Variants in RAE1 observed in about 807,000 individuals in gnomAD.
The protein encoded by RAE1 is ribonucleic acid export 1, also known as mRNA export factor RAE1.
A neutral mutation model predicts 52.7 loss-of-function variants in RAE1; 13 were observed. The observed-to-expected ratio is 0.25, with a 90% CI of 0.16 to 0.39. RAE1 has a LOEUF of 0.39. Among genes scored for constraint, RAE1 ranks in the 10% least tolerant of loss-of-function variants. The probability of loss-of-function intolerance (pLI) is 1.00; values close to 1 mark genes in which losing one functional copy is unlikely to be tolerated. For missense variants in RAE1, 262 were observed against 459.8 expected, an observed-to-expected ratio of 0.57 and a Z score of 3.93; for synonymous variants, 164 against 153.1, an observed-to-expected ratio of 1.07 and a Z score of -0.52.
intron 7 of RAE1, 41 bp downstream of exon 7, chr20:57,367,120 AAAC>A: frequency 1.4e-6 from 2 of 1,475,134 alleles, no homozygotes; most frequent in Non-Finnish European, 1.9e-6. Context: ...TTTAAAAAAA[AAAC>A]AAAATAAGTA....
chr20:57,352,013 T>A, intron 1 of RAE1: 1 of 970,246 alleles, frequency 1.0e-6, no homozygotes, highest in South Asian at 4.8e-5. Context: ...GTGGCTGCCC[T>A]CTTGGAGCCA....
At chr20:57,365,289 C>A in intron 4 of RAE1, 67 bp from the exon 5 acceptor site, 1 of 1,178,114 alleles carries the variant, frequency 8.5e-7, no homozygotes, top group South Asian at 1.4e-5. Flanking sequence ...AACGTAGTAT[C>A]TAAATATATA....
intron 8 of RAE1, among the ~76,000 whole-genome samples, 170 bp downstream of exon 8, chr20:57,368,982 A>G (rs1368967288): frequency 1.3e-5 from 2 of 152,212 alleles, no homozygotes; most frequent in African/African-American, 4.8e-5. Flanking sequence ...AAGTAATACT[A>G]AGGTATCCCT....
chr20:57,351,950 GC>G (rs2066716464), intron 1 of RAE1: 1 of 985,368 alleles, frequency 1.0e-6, no homozygotes, highest in African/African-American at 1.7e-5. Flanking sequence ...GCCGCCCTGG[GC>G]CAGGCATTGT....
At chr20:57,361,402 A>C (rs2066890691) in intron 4 of RAE1, among the ~76,000 whole-genome samples, 1 of 152,104 alleles carries the variant, frequency 6.6e-6, no homozygotes, top group Non-Finnish European at 1.5e-5. Flanking sequence ...TCGTGGTTAA[A>C]ATATGTCTGG....
intron 10 of RAE1, 73 bp downstream of exon 10, chr20:57,373,811 G>A: frequency 6.8e-7 from 1 of 1,461,200 alleles, no homozygotes; most frequent in Non-Finnish European, 9.6e-7. Context: ...GGAATTGTGG[G>A]ATCAGAAAAG....
At chr20:57,359,670 T>A (rs2066862150) in intron 4 of RAE1, 1 of 152,272 alleles carries the variant, frequency 6.6e-6, no homozygotes, top group Admixed American at 6.5e-5. Context: ...TCACCGCTAC[T>A]CATGAATCTT....
intron 5 of RAE1, 110 bp from the exon 6 acceptor site, chr20:57,366,697 T>G (rs2066959259): frequency 1.9e-6 from 2 of 1,070,676 alleles, no homozygotes; most frequent in Non-Finnish European, 2.8e-6. Context: ...TTTTGTTTGG[T>G]ATGGCCCCAG....
At chr20:57,374,449 A>T (rs936346157) in intron 10 of RAE1, among the ~76,000 whole-genome samples, 158 bp from the exon 11 acceptor site, 8 of 152,282 alleles carry the variant, frequency 5.3e-5, no homozygotes, top group African/African-American at 1.7e-4. Context: ...CATTTGATGG[A>T]GGAAGCCTGG....
intron 5 of RAE1, 90 bp downstream of exon 5, chr20:57,365,532 A>G: frequency 1.1e-6 from 1 of 922,848 alleles, no homozygotes; most frequent in Non-Finnish European, 1.6e-6. Context: ...TAATTATAAT[A>G]AGAAAACGTG....
intron 10 of RAE1, among the ~76,000 whole-genome samples, chr20:57,374,361 C>G (rs546469533): frequency 6.6e-6 from 1 of 152,336 alleles, no homozygotes; most frequent in Admixed American, 6.5e-5. Flanking sequence ...GAGGTCTGCT[C>G]CTTGTTTCTT....
intron 5 of RAE1, 117 bp downstream of exon 5, chr20:57,365,559 A>G (rs890708539): frequency 1.5e-6 from 1 of 682,138 alleles, no homozygotes. Context: ...GACTCTGTCA[A>G]ATCAATTAGA....
Position 57,365,222 on chromosome 20 carries a change from A to G in RAE1, c.289-134A>G, listed in dbSNP as rs2066938182. 8.9e-6 allele frequency: 5 copies of G among 563,198 alleles called. No homozygotes were observed. In the East Asian group the frequency reaches 1.3e-4, roughly 14 times the overall value. The allele number at this position is 563,198 out of a possible 1,614,324, so 34.9% of individuals were successfully genotyped here. A position where few individuals can be genotyped will look rare whatever the true frequency, so the allele number is the denominator to read the frequency against. On this transcript the variant is annotated intron_variant, in intron 4 of 11. Transcript: ENST00000395841. ...TGTATGATGCTGTAGTTTGCAGTAC[A>G]CTGGTCCCCAAACAATTGGAAAAAT...
Position 57,354,736 on chromosome 20 carries a change from G to A in RAE1, c.115G>A (p.Asp39Asn). 14 of 1,600,298 alleles carry A rather than the reference G, an allele frequency of 8.7e-6. No homozygotes were observed. Among genetic ancestry groups the A allele is most frequent in the Non-Finnish European group, 1.2e-5 (14 of 1,174,798 alleles). Residue 39 changes from aspartate to asparagine, a missense_variant, in exon 3 of 12, where the codon GAT becomes AAT. Physicochemically the swap from Asp to Asn is conservative, Grantham distance 23. Transcript: ENST00000395841. ...MKDIEVTSSP[D>N]DSIGCLSFSP... The stretch of plus-strand genomic sequence containing the variant: ...GGATATTGAAGTAACATCATCTCCT[G>A]ATGATAGCATTGGTTGTCTGTCTTT...
chr20:57,368,174 C>T (rs1225558237), intron 7 of RAE1, among the ~76,000 whole-genome samples: 1 of 152,192 alleles, frequency 6.6e-6, no homozygotes, highest in Non-Finnish European at 1.5e-5. Flanking sequence ...GCGTGAGCCA[C>T]CATGCCCGGC....
intron 4 of RAE1, chr20:57,357,701 C>G (rs1002317432): frequency 1.3e-5 from 2 of 152,098 alleles, no homozygotes; most frequent in Admixed American, 6.6e-5. Context: ...TTCATGTATT[C>G]TGCTATAAAG....
At chr20:57,365,828 C>G (rs2146156620) in intron 5 of RAE1, among the ~76,000 whole-genome samples, 1 of 152,306 alleles carries the variant, frequency 6.6e-6, no homozygotes, top group South Asian at 2.1e-4. Context: ...AGTGTTCTGT[C>G]TATGGGCCAG....
intron 7 of RAE1, among the ~76,000 whole-genome samples, chr20:57,367,755 A>AAAG (rs1473030491): frequency 6.6e-6 from 1 of 151,846 alleles, no homozygotes; most frequent in African/African-American, 2.4e-5. Flanking sequence ...AAAAAAAAAA[A>AAAG]AAGGAAAGAA....
intron 1 of RAE1, 34 bp downstream of exon 1, chr20:57,351,456 C>T (rs2066707132): frequency 1.0e-6 from 1 of 985,508 alleles, no homozygotes; most frequent in Non-Finnish European, 1.2e-6. Context: ...CCGTCGTTAA[C>T]CGCCGCCATG....
Sources: allele counts gnomAD v4.1 joint callset (sites outside exome capture counted in the v4.1 genomes callset), GRCh38; gene constraint gnomAD v4.1.1; transcripts MANE v1.5; gene names NCBI Gene and HGNC (gene_info 2026-07-23, HGNC 2026-07-21).